The following NEB variants were observed in gnomAD, a reference collection of about 807,000 sequenced individuals.
NEB encodes nebulin, also known as nemaline myopathy type 2.
Under a neutral mutation model 952.2 loss-of-function variants are expected in NEB, and 512 were observed. That is an observed-to-expected ratio of 0.54 (90% confidence interval 0.50 to 0.58). The LOEUF is 0.58. Ranked by LOEUF, NEB falls within the 20% of genes least tolerant of loss-of-function variation. The probability of loss-of-function intolerance (pLI) is 0.00; values close to 1 mark genes in which losing one functional copy is unlikely to be tolerated. For missense variants in NEB, 8,428 were observed against 9,231.1 expected (o/e 0.91, Z 3.56); for synonymous variants, 2,900 against 3,149.8 (o/e 0.92, Z 2.66).
rs1313347497 is a variant in NEB, at chr2:151,650,359, A to G, written c.7248T>C (p.Leu2416=). ...LQSENLYKSD[L]EWLRGIGWSP... ...TCCATCCTATGCCTCTCAGCCACTC[A>G]AGGTCAGATTTATATAGATTCTGTG... Residue 2416 remains leucine, a synonymous_variant, in exon 54 of 182, where the codon CTT becomes CTC. Coordinates refer to ENST00000397345, the MANE Select transcript of NEB (RefSeq NM_001164508.2). 2.5e-6 allele frequency: 4 copies of G among 1,613,736 alleles called. No homozygotes were observed. In the African/African-American group the frequency reaches 4.0e-5, roughly 16 times the overall value.
At chr2:151,640,942 T>C (rs1265917377) in intron 60 of NEB, among the ~76,000 whole-genome samples, 3 of 152,138 alleles carry the variant, frequency 2.0e-5, no homozygotes, top group Non-Finnish European at 4.4e-5. Flanking sequence ...GTTTTTAAAA[T>C]ATTTAATTTT....
chr2:151,619,557 G>T lies in NEB; in HGVS notation c.10766C>A (p.Thr3589Asn), dbSNP rs1016077655. ...TTTATAGTCCACATCGCTGACCAAG[G>T]TCTGACACTTCTTGGCCAAAACGAT... Reference protein sequence around the residue: ...LGIVLAKKCQTLVSDVDYKHP... With the variant: ...LGIVLAKKCQNLVSDVDYKHP... The change falls in exon 73 of 182, where the codon ACC becomes AAC. Residue 3589 changes from threonine (T) to asparagine (N), a missense_variant. Physicochemically the swap from Thr to Asn is moderately conservative, Grantham distance 65. Coordinates refer to ENST00000397345, the MANE Select transcript of NEB (RefSeq NM_001164508.2). The T allele has an allele frequency of 6.2e-7, 1 of 1,613,948 alleles. No homozygotes were observed. Among genetic ancestry groups the T allele is most frequent in the East Asian group, 2.2e-5 (1 of 44,878 alleles).
intron 124 of NEB, among the ~76,000 whole-genome samples, chr2:151,560,121 C>A (rs1003035557): frequency 6.6e-6 from 1 of 151,990 alleles, no homozygotes; most frequent in Non-Finnish European, 1.5e-5. Context: ...AAAAGTTCTA[C>A]CTAAAAAAGG....
chr2:151,550,266 CAAAAAAAAAAAAA>C (rs57057802), intron 129 of NEB, among the ~76,000 whole-genome samples: 1 of 73,366 alleles, frequency 1.4e-5, no homozygotes, highest in Admixed American at 1.8e-4. Flanking sequence ...ACCCTGTCTC[CAAAAAAAAAAAAA>C]AAAAAAAAAA....
At chr2:151,666,011 G>A in intron 41 of NEB, 79 bp downstream of exon 41, 1 of 1,386,976 alleles carries the variant, frequency 7.2e-7, no homozygotes, top group Non-Finnish European at 9.9e-7. Context: ...GTGCAGCCAG[G>A]TGTGGGATGG....
At chr2:151,694,494 C>A in intron 19 of NEB, 28 bp downstream of exon 19, 1 of 1,613,572 alleles carries the variant, frequency 6.2e-7, no homozygotes, top group Non-Finnish European at 8.5e-7. Flanking sequence ...CCGAAGCCAG[C>A]CTGTCCAGGT....
At chr2:151,695,753 T>C in intron 17 of NEB, 71 bp from the exon 18 acceptor site, 1 of 1,176,338 alleles carries the variant, frequency 8.5e-7, no homozygotes, top group Non-Finnish European at 1.2e-6. Flanking sequence ...TGTGGTACAT[T>C]TTGTAAAGTT....
intron 57 of NEB, 94 bp from the exon 58 acceptor site, chr2:151,643,447 G>T: frequency 2.7e-6 from 3 of 1,096,388 alleles, no homozygotes; most frequent in Non-Finnish European, 3.8e-6. Context: ...CTAAATAAAA[G>T]TTCATATTAT....
chr2:151,563,751 GGA>G (rs780620335), intron 118 of NEB, 32 bp from the exon 119 acceptor site: 1 of 1,608,658 alleles, frequency 6.2e-7, no homozygotes, highest in South Asian at 1.1e-5. Flanking sequence ...GAGAATCGCT[GGA>G]GTTTCCTAAC....
At position 151,677,645 on chromosome 2, in the gene NEB, GA is replaced by G; in HGVS notation, c.3693del (p.Pro1232GlnfsTer37). The G allele has an allele frequency of 6.2e-7, 1 of 1,613,936 alleles. No homozygotes were observed. The highest frequency in any genetic ancestry group is 8.5e-7 in the Non-Finnish European group (1 of 1,179,870). ...ATGCTGGTAAATTTGAGGGTGTCTG[GA>G]TGTTGCCTGTACTTCTTTTCATTCA... is the stretch of plus-strand genomic sequence containing the variant. ...DALNEKKYRQ[H>X]PDTLKFTSIV... On this transcript the variant is annotated frameshift_variant, in exon 34 of 182. Transcript: ENST00000397345. LOFTEE classifies it high-confidence loss of function.
At chr2:151,507,126 T>C (rs1457547406) in intron 162 of NEB, 113 bp from the exon 163 acceptor site, 3 of 675,576 alleles carry the variant, frequency 4.4e-6, no homozygotes, top group African/African-American at 3.6e-5. Flanking sequence ...AAAAAGTCTA[T>C]GCACAATAAT....
Position 151,564,706 on chromosome 2 carries a change from G to GCTAT in NEB, c.18471+334_18471+337dup, listed in dbSNP as rs564289152. 1.4e-3 allele frequency among the ~76,000 whole-genome samples: 208 copies of GCTAT among 152,264 alleles called. 1 individual carries two copies. The highest frequency in any genetic ancestry group is 1.9e-3 in the Non-Finnish European group (126 of 68,018). ...TTTTCTCTATTGGTAGGTGCTCAATGCTATGTGCCCCCAGAGCACTTGTTA... is the reference window on the plus strand; with the variant it reads ...TTTTCTCTATTGGTAGGTGCTCAATGCTATCTATGTGCCCCCAGAGCACTTGTTA... On this transcript the variant is annotated intron_variant, in intron 117 of 181. Coordinates refer to ENST00000397345, the MANE Select transcript of NEB (RefSeq NM_001164508.2).
intron 17 of NEB, 77 bp downstream of exon 17, chr2:151,696,560 G>A: frequency 1.8e-6 from 2 of 1,102,552 alleles, no homozygotes; most frequent in East Asian, 2.4e-5. Flanking sequence ...AACTTGATAA[G>A]TCATTGGATT....
At chr2:151,528,773 A>G (rs1351025075) in intron 146 of NEB, among the ~76,000 whole-genome samples, 1 of 152,232 alleles carries the variant, frequency 6.6e-6, no homozygotes, top group African/African-American at 2.4e-5. Context: ...GGAATATCTG[A>G]GCAGGAAGAA....
chr2:151,565,879 A>G (rs1005665496), intron 114 of NEB, 59 bp from the exon 115 acceptor site: 9 of 1,167,474 alleles, frequency 7.7e-6, no homozygotes, highest in Non-Finnish European at 1.1e-5. Flanking sequence ...AGGCTTACAG[A>G]GGGCAGGTTA....
intron 10 of NEB, among the ~76,000 whole-genome samples, chr2:151,714,612 C>T (rs1452364520): frequency 1.3e-5 from 2 of 152,066 alleles, no homozygotes; most frequent in African/African-American, 2.4e-5. Flanking sequence ...TTTCAGCCAA[C>T]CTTCAGTGGG....
chr2:151,724,847 A>G lies in NEB; in HGVS notation c.507+10T>C. On this transcript the variant is annotated intron_variant, in intron 7 of 181. Transcript: ENST00000397345. The stretch of plus-strand genomic sequence containing the variant: ...ACTGAGTACCCCAGCCATCCATATC[A>G]TTGCCTTACCTTACTGACTTGCTGC... The G allele has an allele frequency of 6.2e-7, 1 of 1,609,506 alleles. No individual in the cohort carries two copies. Among genetic ancestry groups the G allele is most frequent in the East Asian group, 2.2e-5 (1 of 44,856 alleles).
chr2:151,688,132 G>A (rs1349151404), intron 25 of NEB, among the ~76,000 whole-genome samples, 160 bp downstream of exon 25: 1 of 152,212 alleles, frequency 6.6e-6, no homozygotes, highest in African/African-American at 2.4e-5. Flanking sequence ...TGATAGATAA[G>A]TAGGAGTCTT....
At chr2:151,508,775 A>G (rs989470685) in intron 161 of NEB, among the ~76,000 whole-genome samples, 5 of 152,232 alleles carry the variant, frequency 3.3e-5, no homozygotes, top group Admixed American at 3.3e-4. Flanking sequence ...TGAACCAGAC[A>G]TCACTATTCC....
Sources: gnomAD v4.1 joint callset for allele counts (sites outside exome capture counted in the v4.1 genomes callset) on GRCh38, gnomAD v4.1.1 for gene constraint, MANE v1.5 for transcripts, NCBI Gene and HGNC (gene_info 2026-07-23, HGNC 2026-07-21) for gene names.